ITGA7: variants seen among roughly 807,000 people sequenced by gnomAD.
ITGA7 encodes the protein integrin subunit alpha 7.
Under a neutral mutation model 131.6 loss-of-function variants are expected in ITGA7, and 84 were observed. The observed-to-expected ratio is 0.64, with a 90% CI of 0.54 to 0.77. The LOEUF is 0.77. ITGA7 is among the 30% of genes least tolerant of loss of function. The pLI is 0.00. For synonymous variants in ITGA7, 548 were observed against 600.7 expected, an observed-to-expected ratio of 0.91 and a Z score of 1.28; for missense variants, 1,399 against 1,482.9, an observed-to-expected ratio of 0.94 and a Z score of 0.93.
intron 24 of ITGA7, chr12:55,686,085 T>C: frequency 4.1e-6 from 2 of 485,672 alleles, no homozygotes; most frequent in Non-Finnish European, 7.1e-6. Context: ...ATCACTCTCA[T>C]GCAATCTCAT....
upstream of ITGA7, among the ~76,000 whole-genome samples, chr12:55,714,737 C>T (rs1008095443): frequency 6.7e-6 from 1 of 149,616 alleles, no homozygotes; most frequent in South Asian, 2.1e-4. Flanking sequence ...TACATATATA[C>T]ACATATATAC....
In ITGA7 at chr12:55,694,979, T is replaced by C; in HGVS notation, c.2004-9A>G. 1.2e-6 allele frequency: 2 copies of C among 1,611,728 alleles called. No individual in the cohort carries two copies. Among genetic ancestry groups the C allele is most frequent in the Non-Finnish European group, 1.7e-6 (2 of 1,179,712 alleles). ...TTGTTCCATCCACATCCCTGGAGAG[T>C]CAGACCCCACTCCTGCTAAGTTCTG... On this transcript the variant is annotated splice_polypyrimidine_tract_variant and intron_variant, in intron 14 of 24. Transcript: ENST00000257879. This position sits in a 1 kb window ranked among gnomAD's most constrained non-coding sequence, Gnocchi z 5.3.
intron 1 of ITGA7, among the ~76,000 whole-genome samples, chr12:55,704,273 C>T (rs1446893335): frequency 2.0e-5 from 3 of 152,208 alleles, no homozygotes; most frequent in African/African-American, 7.2e-5. Context: ...ATCTGTGGGG[C>T]ACTGTGCCAG....
chr12:55,711,232 C>G (rs970056764), upstream of ITGA7, among the ~76,000 whole-genome samples: 3 of 152,142 alleles, frequency 2.0e-5, no homozygotes, highest in African/African-American at 7.2e-5. Flanking sequence ...GTAATCCCAG[C>G]ACTTTGGGAG....
At chr12:55,701,559 G>T (rs1874025926) in intron 3 of ITGA7, 2 of 771,412 alleles carry the variant, frequency 2.6e-6, no homozygotes, top group Non-Finnish European at 4.4e-6. Flanking sequence ...AGAACTTCCT[G>T]TCCGCTTCAC....
At chr12:55,701,429 A>AAAAG in intron 3 of ITGA7, 1 of 1,551,632 alleles carries the variant, frequency 6.4e-7, no homozygotes, top group Non-Finnish European at 8.7e-7. Context: ...GCCTGGAGCC[A>AAAAG]AAAGACACAA....
At chr12:55,688,387 G>A in intron 22 of ITGA7, 87 bp from the exon 23 acceptor site, 4 of 984,742 alleles carry the variant, frequency 4.1e-6, no homozygotes, top group Non-Finnish European at 4.8e-6. Flanking sequence ...AAATGTAATG[G>A]TGCCCAACAC....
chr12:55,688,280 G>A lies in ITGA7; in HGVS notation c.2979C>T (p.Ser993=), dbSNP rs913523091. Residue 993 remains serine (S), a synonymous_variant, in exon 23 of 25, where the codon TCC becomes TCT. Coordinates refer to ENST00000257879, the MANE Select transcript of ITGA7 (RefSeq NM_002206.3). ...TGTTGGCCCGGACAATCACTTCCAG[G>A]GACTTCACAGCTGAGTACTCCTAAG... ...TFLEEYSAVK[S]LEVIVRANIT... is the part of the protein sequence containing the mutation. 1.2e-6 allele frequency: 2 copies of A among 1,613,910 alleles called. No homozygotes were observed. The highest frequency in any genetic ancestry group is 2.2e-5 in the South Asian group (2 of 91,052).
At chr12:55,700,260 A>G (rs1873673141) in intron 4 of ITGA7, 1 of 1,602,930 alleles carries the variant, frequency 6.2e-7, no homozygotes, top group Non-Finnish European at 8.5e-7. Flanking sequence ...AGAGGTCCCT[A>G]CCAAAGTAGC....
Position 55,697,785 on chromosome 12 carries a change from C to T in ITGA7, c.1319G>A (p.Gly440Asp), listed in dbSNP as rs1455276632. Residue 440 changes from glycine (G) to aspartate (D), a missense_variant, in exon 9 of 25, where the codon GGC (glycine) becomes GAC (aspartate). Physicochemically the swap from Gly to Asp is moderately conservative, Grantham distance 94 (BLOSUM62 -1). Transcript: ENST00000257879. ...EGEAVGIKSF[G>D]YSLSGSLDMD... is the part of the protein sequence containing the mutation. ...ATCCAAGCTGCCTGACAGGGAGTAG[C>T]CGAAGCTCTTGATGCCCACAGCCTC... The T allele has an allele frequency of 1.2e-6, 2 of 1,614,088 alleles. No homozygotes were observed. Among genetic ancestry groups the T allele is most frequent in the East Asian group, 4.5e-5 (2 of 44,884 alleles).
intron 21 of ITGA7, among the ~76,000 whole-genome samples, chr12:55,689,741 A>G (rs1486108582): frequency 6.6e-6 from 1 of 152,246 alleles, no homozygotes; most frequent in Non-Finnish European, 1.5e-5. Flanking sequence ...TTTTAGTAAA[A>G]GAATCTACTT....
At chr12:55,697,355 C>G in intron 10 of ITGA7, 78 bp from the exon 11 acceptor site, 1 of 1,574,080 alleles carries the variant, frequency 6.4e-7, no homozygotes, top group Non-Finnish European at 8.7e-7. Flanking sequence ...TCTGTCACAT[C>G]CTGTCACAGC....
intron 24 of ITGA7, among the ~76,000 whole-genome samples, chr12:55,685,951 T>G (rs1437908829): frequency 6.6e-6 from 1 of 152,168 alleles, no homozygotes; most frequent in Non-Finnish European, 1.5e-5. Context: ...GAAAAAAGCA[T>G]GCATGCGACC....
chr12:55,693,410 G>T, intron 19 of ITGA7, 93 bp from the exon 20 acceptor site: 1 of 1,162,584 alleles, frequency 8.6e-7, no homozygotes, highest in Non-Finnish European at 1.2e-6. Context: ...ATGTTGCCCA[G>T]GCTTGTCTCT....
Position 55,701,151 on chromosome 12 carries a change from A to G in ITGA7, c.418T>C (p.Cys140Arg). 1 of 1,614,194 alleles carries G rather than the reference A, an allele frequency of 6.2e-7. No individual in the cohort carries two copies. The highest frequency in any genetic ancestry group is 8.5e-7 in the Non-Finnish European group (1 of 1,180,036). The change falls in exon 4 of 25, where the codon TGT becomes CGT. Residue 140 changes from cysteine to arginine, a missense_variant. By Grantham distance (180) the Cys-to-Arg change is radical. Transcript: ENST00000257879. ...TGCCTTGCCTCATATCGGTGTGCAC[A>G]GGTCTGGGGGAGGAAGGGATGGGGA... ...SQGPGGKIVT[C>R]AHRYEARQRV...
chr12:55,716,021 C>T (rs1264513011), upstream of ITGA7: 1 of 1,530,498 alleles, frequency 6.5e-7, no homozygotes, highest in Non-Finnish European at 8.8e-7. Flanking sequence ...AGGGCGGTTC[C>T]CAACCTCACG....
At position 55,697,492 on chromosome 12, in the gene ITGA7, G is replaced by C. The variant is rs202051829; in HGVS notation, c.1464C>G (p.Ile488Met). 3.1e-6 allele frequency: 5 copies of C among 1,613,996 alleles called. No homozygotes were observed. The highest frequency in any genetic ancestry group is 1.7e-6 in the Non-Finnish European group (2 of 1,180,042). Reference sequence around the variant, plus strand: ...CAGCACAGTTGGGCTGCTCCAGGTCGATGCTTCGTGGAGCAATAGAGACCT... The same window carrying C: ...CAGCACAGTTGGGCTGCTCCAGGTCCATGCTTCGTGGAGCAATAGAGACCT... ...SHEVSIAPRS[I>M]DLEQPNCAGG... Residue 488 changes from isoleucine to methionine, a missense_variant, in exon 10 of 25, where the codon ATC becomes ATG. By Grantham distance (10) the Ile-to-Met change is conservative (BLOSUM62 1). Transcript: ENST00000257879.
At chr12:55,701,530 G>T in intron 3 of ITGA7, 1 of 965,424 alleles carries the variant, frequency 1.0e-6, no homozygotes, top group Non-Finnish European at 1.6e-6. Flanking sequence ...CTTTGTAAGT[G>T]TCACCATCTC....
Position 55,697,987 on chromosome 12 carries a change from A to G in ITGA7, c.1232T>C (p.Val411Ala). The G allele has an allele frequency of 1.9e-6, 3 of 1,614,070 alleles. No individual in the cohort carries two copies. The highest frequency in any genetic ancestry group is 2.5e-6 in the Non-Finnish European group (3 of 1,180,012). Residue 411 changes from valine (V) to alanine (A), a missense_variant, in exon 8 of 25, where the codon GTC (valine) becomes GCC (alanine). Physicochemically the swap from Val to Ala is moderately conservative, Grantham distance 64. Transcript: ENST00000257879. ...CAGGCTGCTCCCATGGTAGATGAAG[A>G]CTTTCCCATCACCATCAAAGGGGGC... ...VGAPFDGDGK[V>A]FIYHGSSLGV...
Sources: gnomAD v4.1 joint callset for allele counts (sites outside exome capture counted in the v4.1 genomes callset) on GRCh38, gnomAD v4.1.1 for gene constraint, Gnocchi (gnomAD v3.1) non-coding constraint, MANE v1.5 for transcripts, NCBI Gene and HGNC (gene_info 2026-07-23, HGNC 2026-07-21) for gene names.